DMD: variants seen among roughly 807,000 people sequenced by gnomAD.
DMD encodes the protein mutant dystrophin.
In DMD, 63 loss-of-function variants were observed where a neutral mutation model predicts 330.1. The observed-to-expected ratio is 0.19, with a 90% CI of 0.16 to 0.24. The LOEUF (loss-of-function observed/expected upper bound fraction) is 0.24, where lower values mean the gene tolerates loss of function less well. DMD is among the 10% of genes least tolerant of loss of function. The pLI is 1.00. For missense variants in DMD, 3,344 were observed against 2,684.1 expected (o/e 1.25, Z -5.43); for synonymous variants, 1,223 against 959.8 (o/e 1.27, Z -5.07).
At chrX:33,255,343 A>C (rs748839049) in intron 1 of DMD, among the ~76,000 whole-genome samples, 1 of 111,057 alleles carries the variant, frequency 9.0e-6, no homozygotes, top group South Asian at 3.7e-4. Flanking sequence ...TAAATGTGGG[A>C]AGTGCTTTTT....
rs1455647070 is a variant in DMD, at chrX:32,244,986, T to C, written c.6291-27923A>G. On this transcript the variant is annotated intron_variant, in intron 43 of 78. Coordinates refer to ENST00000357033, the MANE Select transcript of DMD (RefSeq NM_004006.3). ...TTTAATTAGATCCCATTTGTCAATT[T>C]TGGCTTTTGTTGCCATTGCTTTTGG... Among the ~76,000 whole-genome samples the C allele has an allele frequency of 2.6e-3, 194 of 73,260 alleles. 3 individuals carry two copies. Among genetic ancestry groups the C allele is most frequent in the African/African-American group, 0.011 (186 of 17,673 alleles). The allele number at this position is 73,260 out of a possible 115,157, so 63.6% of individuals were successfully genotyped here. A position where few individuals can be genotyped will look rare whatever the true frequency, so the allele number is the denominator to read the frequency against.
At chrX:32,599,014 T>A (rs1014589763) in intron 12 of DMD, among the ~76,000 whole-genome samples, 6 of 111,691 alleles carry the variant, frequency 5.4e-5, no homozygotes, top group African/African-American at 1.9e-4. Flanking sequence ...CAGTATCTCT[T>A]CTCCTCTATG....
intron 44 of DMD, among the ~76,000 whole-genome samples, chrX:32,156,038 A>G (rs1375867945): frequency 9.1e-6 from 1 of 110,359 alleles, no homozygotes; most frequent in Non-Finnish European, 1.9e-5. Flanking sequence ...GATGATAAAT[A>G]TACATTATAT....
At chrX:32,114,735 C>A (rs2096603206) in intron 44 of DMD, among the ~76,000 whole-genome samples, 1 of 112,251 alleles carries the variant, frequency 8.9e-6, no homozygotes, top group South Asian at 3.7e-4. Context: ...TGATGCTGTT[C>A]TACCTGACTA....
chrX:32,745,840 C>T (rs1482969278), intron 7 of DMD, among the ~76,000 whole-genome samples: 2 of 112,019 alleles, frequency 1.8e-5, no homozygotes, highest in African/African-American at 3.2e-5. Context: ...GAAGACTTTT[C>T]AGGGATGTTT....
At chrX:31,856,274 TAA>T (rs767186237) in intron 48 of DMD, among the ~76,000 whole-genome samples, 30 of 111,908 alleles carry the variant, frequency 2.7e-4, no homozygotes, top group African/African-American at 9.7e-4. Context: ...CAATATATGA[TAA>T]AATTAAAAAT....
intron 1 of DMD, among the ~76,000 whole-genome samples, chrX:33,127,878 C>T (rs1169642673): frequency 9.0e-6 from 1 of 111,050 alleles, no homozygotes; most frequent in African/African-American, 3.3e-5. Flanking sequence ...AAGCCACAAC[C>T]CAAAAAGTAG....
chrX:31,761,379 G>C (rs1363713838), intron 51 of DMD, among the ~76,000 whole-genome samples: 14 of 110,777 alleles, frequency 1.3e-4, no homozygotes, highest in African/African-American at 3.6e-4. Flanking sequence ...TGTGACAAAA[G>C]ATAGGAAAGC....
At chrX:32,573,332 T>G (rs1474526696) in intron 15 of DMD, among the ~76,000 whole-genome samples, 198 bp downstream of exon 15, 1 of 112,040 alleles carries the variant, frequency 8.9e-6, no homozygotes, top group African/African-American at 3.2e-5. Flanking sequence ...AGTACAACTT[T>G]GAAAAACAAA....
At chrX:32,415,769 A>G (rs2098163927) in intron 29 of DMD, among the ~76,000 whole-genome samples, 1 of 112,567 alleles carries the variant, frequency 8.9e-6, no homozygotes. Flanking sequence ...TGACAAAAAT[A>G]TAAAAATAGA....
intron 44 of DMD, among the ~76,000 whole-genome samples, chrX:32,068,374 ATTTTTTTTTT>A (rs749610367): frequency 1.6e-4 from 10 of 64,320 alleles, no homozygotes; most frequent in African/African-American, 5.1e-4. Flanking sequence ...CTTGCTTGTC[ATTTTTTTTTT>A]TTTTTTTTTT....
intron 55 of DMD, among the ~76,000 whole-genome samples, chrX:31,559,287 C>A (rs1356058823): frequency 3.6e-5 from 4 of 111,005 alleles, no homozygotes; most frequent in Non-Finnish European, 7.6e-5. Context: ...TTCTCAAATT[C>A]CTTTCATGTC....
chrX:31,298,317 T>C (rs1326631975), intron 62 of DMD, among the ~76,000 whole-genome samples: 2 of 111,030 alleles, frequency 1.8e-5, no homozygotes, highest in African/African-American at 3.3e-5. Context: ...TGCTCTTTTA[T>C]GCATTTTAGT....
chrX:31,226,245 G>C (rs192020579), intron 63 of DMD, among the ~76,000 whole-genome samples: 3 of 111,964 alleles, frequency 2.7e-5, no homozygotes, highest in Non-Finnish European at 3.8e-5. Context: ...CTTGTTCCGT[G>C]TTGTTAAACT....
At chrX:32,180,028 G>A (rs910949220) in intron 44 of DMD, among the ~76,000 whole-genome samples, 2 of 111,783 alleles carry the variant, frequency 1.8e-5, no homozygotes, top group Admixed American at 1.9e-4. Flanking sequence ...GGATTATTGA[G>A]AAATATACAT....
chrX:32,039,314 G>A (rs2095979374), intron 44 of DMD, among the ~76,000 whole-genome samples: 1 of 111,360 alleles, frequency 9.0e-6, no homozygotes, highest in Admixed American at 9.6e-5. Context: ...CATTTTACAG[G>A]CGAGGGCACA....
intron 67 of DMD, among the ~76,000 whole-genome samples, chrX:31,186,096 C>G (rs187497817): frequency 7.1e-4 from 79 of 112,046 alleles, no homozygotes; most frequent in African/African-American, 2.6e-3. Flanking sequence ...GCTTATAACA[C>G]TGATCACCTC....
chrX:33,050,696 T>C (rs907887762), intron 1 of DMD, among the ~76,000 whole-genome samples: 2 of 111,394 alleles, frequency 1.8e-5, no homozygotes, highest in African/African-American at 6.5e-5. Context: ...CCATAGCCCA[T>C]GACAAAGCTT....
chrX:32,861,349 T>A, intron 2 of DMD, among the ~76,000 whole-genome samples: 1 of 111,990 alleles, frequency 8.9e-6, no homozygotes, highest in Non-Finnish European at 1.9e-5. Context: ...AAATGTAAGA[T>A]GTCTGGTATG....
Sources: gnomAD v4.1 joint callset for allele counts (sites outside exome capture counted in the v4.1 genomes callset) on GRCh38, gnomAD v4.1.1 for gene constraint, MANE v1.5 for transcripts, NCBI Gene and HGNC (gene_info 2026-07-23, HGNC 2026-07-21) for gene names.